RTKN2: variants seen among roughly 807,000 people sequenced by gnomAD.
RTKN2 encodes rhotekin-2.
In RTKN2, 69 loss-of-function variants were observed where a neutral mutation model predicts 71.5. That is an observed-to-expected ratio of 0.96 (90% CI 0.79 to 1.18). RTKN2 has a LOEUF of 1.18. Ranked by LOEUF, RTKN2 falls within the 50% of genes most tolerant of loss-of-function variation. RTKN2 has a pLI of 0.00. For missense variants in RTKN2, 724 were observed against 719.7 expected, an observed-to-expected ratio of 1.01 and a Z score of -0.07; for synonymous variants, 236 against 236.5, an observed-to-expected ratio of 1.00 and a Z score of 0.02.
At chr10:62,237,883 C>T (rs373330292) in intron 5 of RTKN2, among the ~76,000 whole-genome samples, 23 of 151,500 alleles carry the variant, frequency 1.5e-4, no homozygotes, top group Non-Finnish European at 2.2e-4. Flanking sequence ...CAAATAAATA[C>T]GCAAAATTCT....
intron 10 of RTKN2, among the ~76,000 whole-genome samples, chr10:62,200,618 T>G (rs532657156): frequency 2.6e-4 from 40 of 151,856 alleles, no homozygotes; most frequent in Non-Finnish European, 5.2e-4. Flanking sequence ...GAAAAAAACA[T>G]AAAGGAGTGA....
chr10:62,193,369 T>C lies in RTKN2; in HGVS notation c.*4539A>G. 2 of 981,630 alleles carry C rather than the reference T, an allele frequency of 2.0e-6. No individual in the cohort carries two copies. Among genetic ancestry groups the C allele is most frequent in the Non-Finnish European group, 1.2e-6 (1 of 826,500 alleles). The allele number at this position is 981,630 out of a possible 1,614,324, so 60.8% of individuals were successfully genotyped here. ...TTTTCCATAAGATCTGGAATGATCT[T>C]TTCTAATTATTAAACGTGTCAGCAT... On this transcript the variant is annotated 3_prime_UTR_variant, in exon 12 of 12. Transcript: ENST00000373789.
intron 3 of RTKN2, among the ~76,000 whole-genome samples, chr10:62,243,705 G>C (rs925072162): frequency 6.6e-6 from 1 of 152,168 alleles, no homozygotes; most frequent in Non-Finnish European, 1.5e-5. Context: ...TCCAATGATA[G>C]AACTTCCTTC....
chr10:62,199,000 T>C lies in RTKN2; in HGVS notation c.1295-557A>G, dbSNP rs188138764. ...CCAGGAAAACAGAGTAAAGCCCTCA[T>C]ACCACTTTGGTAATAAGGGTGGTGG... On this transcript the variant is annotated intron_variant, in intron 11 of 11. Transcript: ENST00000373789. Among the ~76,000 whole-genome samples the C allele has an allele frequency of 2.4e-4, 36 of 152,318 alleles. No individual in the cohort carries two copies. In the East Asian group the frequency reaches 6.9e-3, roughly 29 times the overall value.
At chr10:62,188,750 ATTTT>A (rs1050055477), downstream of RTKN2, among the ~76,000 whole-genome samples, 12 of 149,410 alleles carry the variant, frequency 8.0e-5, no homozygotes, top group African/African-American at 2.8e-4. Flanking sequence ...AATTTTTTAA[ATTTT>A]TTTATTTTTT....
chr10:62,255,836 T>A (rs933877498), intron 2 of RTKN2, among the ~76,000 whole-genome samples: 1 of 152,168 alleles, frequency 6.6e-6, no homozygotes, highest in Non-Finnish European at 1.5e-5. Flanking sequence ...ATTGGGAGCA[T>A]ATAATGGTCC....
intron 8 of RTKN2, 47 bp from the exon 9 acceptor site, chr10:62,217,296 T>G: frequency 5.2e-6 from 7 of 1,343,764 alleles, no homozygotes; most frequent in Non-Finnish European, 6.1e-6. Context: ...TTTTAAGTTA[T>G]TATCACTTTA....
In RTKN2 at chr10:62,194,429, G is replaced by A. The variant is rs10995080; in HGVS notation, c.*3479C>T. On this transcript the variant is annotated 3_prime_UTR_variant, in exon 12 of 12. Coordinates refer to ENST00000373789, the MANE Select transcript of RTKN2 (RefSeq NM_145307.4). The stretch of plus-strand genomic sequence containing the variant: ...ATAATTTAAGACTAACAGTGAAGAT[G>A]GCTACTAGAATATAAATGGTCATCA... 0.29 allele frequency: 279,526 copies of A among 973,332 alleles called. 41,814 individuals are homozygous for A. Among genetic ancestry groups the A allele is most frequent in the African/African-American group, 0.47 (26,461 of 56,900 alleles). The allele number at this position is 973,332 out of a possible 1,614,324, so 60.3% of individuals were successfully genotyped here. A position where few individuals can be genotyped will look rare whatever the true frequency, so the allele number is the denominator to read the frequency against.
At chr10:62,217,999 G>A (rs1485077783) in intron 8 of RTKN2, among the ~76,000 whole-genome samples, 196 bp downstream of exon 8, 4 of 152,128 alleles carry the variant, frequency 2.6e-5, no homozygotes, top group Middle Eastern at 3.4e-3. Flanking sequence ...CATCAACATC[G>A]CAGTAGATCC....
intron 2 of RTKN2, chr10:62,259,129 T>C (rs1462299037): frequency 2.3e-6 from 1 of 435,366 alleles, no homozygotes; most frequent in African/African-American, 2.0e-5. Flanking sequence ...TCCCAAGATC[T>C]GATGGTTTTA....
At chr10:62,248,597 T>A (rs1589378191) in intron 2 of RTKN2, among the ~76,000 whole-genome samples, 1 of 152,266 alleles carries the variant, frequency 6.6e-6, no homozygotes, top group East Asian at 1.9e-4. Context: ...TCTAGAGAAT[T>A]ATTTTGGCTG....
At chr10:62,224,186 G>A (rs939815441) in intron 6 of RTKN2, among the ~76,000 whole-genome samples, 1 of 152,070 alleles carries the variant, frequency 6.6e-6, no homozygotes, top group Non-Finnish European at 1.5e-5. Context: ...TGGCTGCCAG[G>A]AGGATAGAAG....
At position 62,197,281 on chromosome 10, in the gene RTKN2, C is replaced by T. The variant is rs1841350057; in HGVS notation, c.*627G>A. ...TTAATGTCAACAGTATTTCAGGGCTCATCAAGGAAACAAGTTTGAATAGCA... is the reference window on the plus strand; with the variant it reads ...TTAATGTCAACAGTATTTCAGGGCTTATCAAGGAAACAAGTTTGAATAGCA... On this transcript the variant is annotated 3_prime_UTR_variant, in exon 12 of 12. Transcript: ENST00000373789. 3.0e-6 allele frequency: 3 copies of T among 985,562 alleles called. No homozygotes were observed. Among genetic ancestry groups the T allele is most frequent in the South Asian group, 4.7e-5 (1 of 21,280 alleles). The allele number at this position is 985,562 out of a possible 1,614,324, so 61.1% of individuals were successfully genotyped here.
At chr10:62,198,943 T>C (rs1400569131) in intron 11 of RTKN2, among the ~76,000 whole-genome samples, 2 of 152,134 alleles carry the variant, frequency 1.3e-5, no homozygotes, top group African/African-American at 2.4e-5. Context: ...GCAAAGTCTC[T>C]GTTAAAAGGG....
chr10:62,209,086 G>A (rs910681521), intron 9 of RTKN2, among the ~76,000 whole-genome samples: 6 of 152,006 alleles, frequency 3.9e-5, no homozygotes, highest in South Asian at 2.1e-4. Flanking sequence ...CCTAACCAAC[G>A]CGGAGAAACC....
intron 6 of RTKN2, among the ~76,000 whole-genome samples, chr10:62,235,553 T>C (rs112657334): frequency 2.7e-4 from 41 of 152,066 alleles, no homozygotes; most frequent in African/African-American, 9.6e-4. Context: ...AAGTGGAAAA[T>C]TCTACACCTG....
chr10:62,209,062 G>C (rs1011267474), intron 9 of RTKN2, among the ~76,000 whole-genome samples: 4 of 152,160 alleles, frequency 2.6e-5, no homozygotes, highest in African/African-American at 9.7e-5. Flanking sequence ...TTGAGGTCGG[G>C]AGTTCGAGAC....
At chr10:62,226,176 G>A (rs1280444417) in intron 6 of RTKN2, among the ~76,000 whole-genome samples, 2 of 151,874 alleles carry the variant, frequency 1.3e-5, no homozygotes, top group East Asian at 1.9e-4. Flanking sequence ...AAACATCAAC[G>A]AGTATATTAA....
chr10:62,230,531 C>T (rs2132953533), intron 6 of RTKN2, among the ~76,000 whole-genome samples: 1 of 152,274 alleles, frequency 6.6e-6, no homozygotes, highest in South Asian at 2.1e-4. Context: ...GGATGAAAAC[C>T]ACCCCTAGGA....
Sources: gnomAD v4.1 joint callset for allele counts (sites outside exome capture counted in the v4.1 genomes callset) on GRCh38, gnomAD v4.1.1 for gene constraint, MANE v1.5 for transcripts, NCBI Gene and HGNC (gene_info 2026-07-23, HGNC 2026-07-21) for gene names.